Variants in MAP3K5 observed in about 807,000 individuals in gnomAD.
The protein encoded by MAP3K5 is ASK-1.
MAP3K5 carries 56 observed loss-of-function variants against 158.7 expected under a neutral mutation model. The ratio of observed to expected loss-of-function variants is 0.35; its 90% CI spans 0.28 to 0.44. MAP3K5 has a LOEUF of 0.44. Among genes scored for constraint, MAP3K5 ranks in the 20% least tolerant of loss-of-function variants. MAP3K5 has a pLI of 1.00. For missense variants in MAP3K5, 1,294 were observed against 1,674.8 expected, an observed-to-expected ratio of 0.77 and a Z score of 3.97; for synonymous variants, 579 against 601.7, an observed-to-expected ratio of 0.96 and a Z score of 0.55.
intron 11 of MAP3K5, among the ~76,000 whole-genome samples, chr6:136,643,871 T>C (rs1029496815): frequency 6.6e-6 from 1 of 152,166 alleles, no homozygotes; most frequent in Non-Finnish European, 1.5e-5. Context: ...AAGTTGCTTC[T>C]AAATCCTGTT....
chr6:136,597,559 A>G (rs1775688873), intron 21 of MAP3K5, among the ~76,000 whole-genome samples: 1 of 152,204 alleles, frequency 6.6e-6, no homozygotes, highest in Non-Finnish European at 1.5e-5. Context: ...TGCAGTGATG[A>G]CAAGAATCAT....
At chr6:136,619,254 G>C (rs924753729) in intron 15 of MAP3K5, among the ~76,000 whole-genome samples, 3 of 152,120 alleles carry the variant, frequency 2.0e-5, no homozygotes, top group African/African-American at 4.8e-5. Context: ...GGTTGATCTT[G>C]GTATGCCCGA....
intron 18 of MAP3K5, among the ~76,000 whole-genome samples, chr6:136,608,837 T>G (rs1315225284): frequency 6.6e-6 from 1 of 152,232 alleles, no homozygotes; most frequent in African/African-American, 2.4e-5. Context: ...TGATCACTGC[T>G]GCCTTTTCCC....
At chr6:136,623,091 A>G (rs1776883075) in intron 14 of MAP3K5, 110 bp from the exon 15 acceptor site, 1 of 981,260 alleles carries the variant, frequency 1.0e-6, no homozygotes, top group Non-Finnish European at 1.6e-6. Context: ...GATGGCATTA[A>G]CAGGCTGAAG....
intron 9 of MAP3K5, among the ~76,000 whole-genome samples, chr6:136,657,536 T>C: frequency 6.6e-6 from 1 of 152,240 alleles, no homozygotes; most frequent in South Asian, 2.1e-4. Flanking sequence ...ATTTGCTGAA[T>C]GCCTACTGCT....
chr6:136,792,714 CCCTCTTAGGCGG>C (rs1785144734), upstream of MAP3K5, among the ~76,000 whole-genome samples: 1 of 152,202 alleles, frequency 6.6e-6, no homozygotes, highest in Non-Finnish European at 1.5e-5. The surrounding 1 kb of genome is among the most constrained non-coding windows in gnomAD (Gnocchi z 5.7). Flanking sequence ...GGACCCTCCT[CCCTCTTAGGCGG>C]CAGCTCGCCT....
intron 2 of MAP3K5, among the ~76,000 whole-genome samples, chr6:136,716,795 C>G (rs746138754): frequency 6.6e-6 from 1 of 152,046 alleles, no homozygotes; most frequent in Non-Finnish European, 1.5e-5. Context: ...TTAGTAGGCA[C>G]GAGAGAAATT....
chr6:136,613,260 TA>T lies in MAP3K5; in HGVS notation c.2279-5del. On this transcript the variant is annotated splice_polypyrimidine_tract_variant and splice_region_variant and intron_variant, in intron 16 of 29. Transcript: ENST00000359015. The surrounding 1 kb of genome is among the most constrained non-coding windows in gnomAD (Gnocchi z 4.0). ...CGAAGGAGAGCAGAAAGACTTCCTG[TA>T]AAGTAGGGATAAATAGTAAATAAAT... 1 of 1,610,950 alleles carries T rather than the reference TA, an allele frequency of 6.2e-7. No homozygotes were observed. The highest frequency in any genetic ancestry group is 8.5e-7 in the Non-Finnish European group (1 of 1,178,628).
At chr6:136,581,397 T>TA (rs1334683522) in intron 24 of MAP3K5, among the ~76,000 whole-genome samples, 1 of 152,218 alleles carries the variant, frequency 6.6e-6, no homozygotes, top group African/African-American at 2.4e-5. Flanking sequence ...CAAGCTCACT[T>TA]AGATTTTGGG....
Position 136,613,559 on chromosome 6 carries a change from T to C in MAP3K5, c.2279-303A>G, listed in dbSNP as rs1333352217. Among the ~76,000 whole-genome samples the C allele has an allele frequency of 6.6e-6, 1 of 152,244 alleles. No homozygotes were observed. The highest frequency in any genetic ancestry group is 1.5e-5 in the Non-Finnish European group (1 of 68,044). Reference sequence around the variant, plus strand: ...TCTGTGAAATTACATAATTCACATGTAAAGCTTCTAGAACTTTAAATTATT... The same window carrying C: ...TCTGTGAAATTACATAATTCACATGCAAAGCTTCTAGAACTTTAAATTATT... On this transcript the variant is annotated intron_variant, in intron 16 of 29. Coordinates refer to ENST00000359015, the MANE Select transcript of MAP3K5 (RefSeq NM_005923.4). The surrounding 1 kb of genome is among the most constrained non-coding windows in gnomAD (Gnocchi z 4.0).
chr6:136,602,073 A>G, intron 19 of MAP3K5, 94 bp from the exon 20 acceptor site: 1 of 913,216 alleles, frequency 1.1e-6, no homozygotes, highest in Non-Finnish European at 1.7e-6. Context: ...CCAATGCAAC[A>G]AGATCCCTTA....
intron 15 of MAP3K5, among the ~76,000 whole-genome samples, chr6:136,616,462 G>C (rs1177757577): frequency 6.6e-6 from 1 of 151,552 alleles, no homozygotes; most frequent in East Asian, 1.9e-4. Flanking sequence ...CTGCCACCAT[G>C]CCTGGCTAAT....
intron 14 of MAP3K5, chr6:136,637,004 T>A: frequency 9.3e-7 from 1 of 1,077,406 alleles, no homozygotes; most frequent in African/African-American, 1.7e-5. Context: ...CTTCTTTGTC[T>A]GAATTGCACA....
intron 1 of MAP3K5, among the ~76,000 whole-genome samples, chr6:136,734,981 C>A (rs1207976407): frequency 1.3e-5 from 2 of 152,212 alleles, no homozygotes; most frequent in East Asian, 3.8e-4. Context: ...TGCTGAGTGA[C>A]ATACTCTTAC....
chr6:136,734,421 GAAAAAAAAAAA>G (rs1016817563), intron 1 of MAP3K5, among the ~76,000 whole-genome samples: 6 of 56,736 alleles, frequency 1.1e-4, no homozygotes, highest in Non-Finnish European at 1.9e-4. Flanking sequence ...CTCTGTCTCG[GAAAAAAAAAAA>G]AAAAAAAAAA....
chr6:136,587,454 A>G (rs1350433214), intron 23 of MAP3K5, among the ~76,000 whole-genome samples: 1 of 152,226 alleles, frequency 6.6e-6, no homozygotes, highest in African/African-American at 2.4e-5. Context: ...AGACTCCTCT[A>G]TCATAGATGA....
intron 2 of MAP3K5, among the ~76,000 whole-genome samples, chr6:136,705,941 G>T (rs139933530): frequency 6.6e-6 from 1 of 152,150 alleles, no homozygotes; most frequent in South Asian, 2.1e-4. Context: ...GTCATAATTT[G>T]TGTGTTTTTC....
intron 25 of MAP3K5, among the ~76,000 whole-genome samples, chr6:136,569,235 G>A (rs762362915): frequency 6.6e-6 from 1 of 152,122 alleles, no homozygotes; most frequent in Admixed American, 6.5e-5. Flanking sequence ...ATTTTGGAAC[G>A]GTCCTGCAAA....
chr6:136,742,413 C>T (rs1417772702), intron 1 of MAP3K5, among the ~76,000 whole-genome samples: 3 of 150,534 alleles, frequency 2.0e-5, no homozygotes, highest in African/African-American at 4.9e-5. Context: ...GGTGCTGGAA[C>T]AACTGAACCT....
Sources: gnomAD v4.1 joint callset for allele counts (sites outside exome capture counted in the v4.1 genomes callset) on GRCh38, gnomAD v4.1.1 for gene constraint, Gnocchi (gnomAD v3.1) non-coding constraint, MANE v1.5 for transcripts, NCBI Gene and HGNC (gene_info 2026-07-23, HGNC 2026-07-21) for gene names.